RUSC2: variants seen among roughly 807,000 people sequenced by gnomAD.
RUSC2 encodes the protein AP-4 complex accessory subunit RUSC2.
A neutral mutation model predicts 122.2 loss-of-function variants in RUSC2; 34 were observed. The ratio of observed to expected loss-of-function variants is 0.28; its 90% confidence interval spans 0.21 to 0.37. The LOEUF is 0.37. Ranked by LOEUF, RUSC2 falls within the 10% of genes least tolerant of loss-of-function variation. The pLI, the probability that RUSC2 is intolerant of heterozygous loss-of-function variation, is 1.00. For missense variants in RUSC2, 1,747 were observed against 1,952.4 expected, an observed-to-expected ratio of 0.89 and a Z score of 1.98; for synonymous variants, 784 against 790.0, an observed-to-expected ratio of 0.99 and a Z score of 0.13.
chr9:35,491,271 A>C (rs1260887362), intron 1 of RUSC2, among the ~76,000 whole-genome samples: 1 of 152,154 alleles, frequency 6.6e-6, no homozygotes, highest in East Asian at 1.9e-4. Flanking sequence ...AGGAGTTGAT[A>C]AGGTAGAAAG....
At chr9:35,542,086 T>C (rs1189943322) in intron 1 of RUSC2, among the ~76,000 whole-genome samples, 2 of 152,086 alleles carry the variant, frequency 1.3e-5, no homozygotes, top group Non-Finnish European at 2.9e-5. Context: ...AAAGCATGAG[T>C]ACAAAATCTC....
chr9:35,543,126 A>G (rs575964884), intron 1 of RUSC2, among the ~76,000 whole-genome samples: 18 of 152,274 alleles, frequency 1.2e-4, no homozygotes, highest in African/African-American at 3.9e-4. Flanking sequence ...AACCCCCTCA[A>G]AGAAAAAAAA....
intron 1 of RUSC2, among the ~76,000 whole-genome samples, chr9:35,525,993 G>A (rs1587849118): frequency 6.6e-6 from 1 of 152,288 alleles, no homozygotes; most frequent in South Asian, 2.1e-4. Flanking sequence ...TTGGGTGGTG[G>A]CCATGCAGAG....
At position 35,546,843 on chromosome 9, in the gene RUSC2, G is replaced by T; in HGVS notation, c.322G>T (p.Gly108Cys). The change falls in exon 2 of 12, where the codon GGT (glycine) becomes TGT (cysteine). Residue 108 changes from glycine to cysteine, a missense_variant. Coordinates refer to ENST00000361226, the MANE Select transcript of RUSC2 (RefSeq NM_014806.5). This position sits in a 1 kb window ranked among gnomAD's most constrained non-coding sequence, Gnocchi z 4.3. ...KRHNPFLLQE[G>C]VGEPGLGDLY... ...ACACAACCCCTTCTTGCTGCAGGAG[G>T]GTGTGGGTGAGCCAGGACTTGGTGA... The T allele has an allele frequency of 6.2e-7, 1 of 1,610,740 alleles. No homozygotes were observed. The highest frequency in any genetic ancestry group is 1.1e-5 in the South Asian group (1 of 90,360).
At position 35,548,636 on chromosome 9, in the gene RUSC2, C is replaced by T; in HGVS notation, c.2014+101C>T. 1.4e-6 allele frequency: 2 copies of T among 1,443,486 alleles called. No homozygotes were observed. Among genetic ancestry groups the T allele is most frequent in the Non-Finnish European group, 1.8e-6 (2 of 1,102,770 alleles). 89.4% of individuals were successfully genotyped at this position (1,443,486 alleles called of 1,614,324 possible). On this transcript the variant is annotated intron_variant, in intron 2 of 11. Coordinates refer to ENST00000361226, the MANE Select transcript of RUSC2 (RefSeq NM_014806.5). This position sits in a 1 kb window ranked among gnomAD's most constrained non-coding sequence, Gnocchi z 4.5. ...CTGCCAGACCACCCCATCCATACCA[C>T]TAGAGGTTCCACATCCTAGATCTGT...
At position 35,547,062 on chromosome 9, in the gene RUSC2, G is replaced by A; in HGVS notation, c.541G>A (p.Asp181Asn). The A allele has an allele frequency of 1.2e-6, 2 of 1,613,170 alleles. No homozygotes were observed. The highest frequency in any genetic ancestry group is 1.7e-6 in the Non-Finnish European group (2 of 1,179,466). Residue 181 changes from aspartate to asparagine, a missense_variant, in exon 2 of 12, where the codon GAT becomes AAT. Coordinates refer to ENST00000361226, the MANE Select transcript of RUSC2 (RefSeq NM_014806.5). The surrounding 1 kb of genome is among the most constrained non-coding windows in gnomAD (Gnocchi z 4.6). ...GQEQEPVMTL[D>N]TQQCGTSHCC... ...GGAACAGGAGCCAGTGATGACCTTG[G>A]ATACTCAGCAGTGCGGCACCAGCCA... is the stretch of plus-strand genomic sequence containing the variant.
At chr9:35,515,158 A>T (rs1024329617) in intron 1 of RUSC2, among the ~76,000 whole-genome samples, 1 of 152,238 alleles carries the variant, frequency 6.6e-6, no homozygotes, top group Non-Finnish European at 1.5e-5. Context: ...TCACACAAAG[A>T]TACACATATA....
Position 35,548,049 on chromosome 9 carries a change from C to T in RUSC2, c.1528C>T (p.Arg510Cys), listed in dbSNP as rs771975181. The change falls in exon 2 of 12, where the codon CGC (arginine) becomes TGC (cysteine). Residue 510 changes from arginine (R) to cysteine (C), a missense_variant. Arg to Cys is a radical substitution (Grantham distance 180). Coordinates refer to ENST00000361226, the MANE Select transcript of RUSC2 (RefSeq NM_014806.5). The surrounding 1 kb of genome is among the most constrained non-coding windows in gnomAD (Gnocchi z 4.5). ...DRSLQRSPPV[R>C]LGSLERMLSC... ...CAGCCTGCAGCGCAGCCCTCCTGTC[C>T]GCCTGGGCTCGCTGGAACGTATGTT... 2.2e-5 allele frequency: 36 copies of T among 1,613,448 alleles called. No individual in the cohort carries two copies. Among genetic ancestry groups the T allele is most frequent in the Admixed American group, 1.0e-4 (6 of 60,010 alleles).
chr9:35,526,506 A>G (rs1166312043), intron 1 of RUSC2, among the ~76,000 whole-genome samples: 2 of 152,238 alleles, frequency 1.3e-5, no homozygotes, highest in Admixed American at 6.5e-5. Context: ...TGGTATTTTC[A>G]TCACCATTCT....
Position 35,555,692 on chromosome 9 carries a change from C to G in RUSC2, c.2647C>G (p.Pro883Ala), listed in dbSNP as rs374541449. ...TGGTGAGGGCAGCATGGCCACCAGG[C>G]CCAGTAATGGTACGAGCTCCAGCAT... is the stretch of plus-strand genomic sequence containing the variant. Reference protein sequence around the residue: ...GGGEGSMATRPSNANHLSPQA... With the variant: ...GGGEGSMATRASNANHLSPQA... Residue 883 changes from proline (P) to alanine (A), a missense_variant, in exon 3 of 12, where the codon CCC becomes GCC. Coordinates refer to ENST00000361226, the MANE Select transcript of RUSC2 (RefSeq NM_014806.5). This position sits in a 1 kb window ranked among gnomAD's most constrained non-coding sequence, Gnocchi z 4.6. The G allele has an allele frequency of 2.5e-6, 4 of 1,588,162 alleles. No individual in the cohort carries two copies. In the Admixed American group the frequency reaches 7.4e-5, roughly 29 times the overall value.
chr9:35,559,292 A>G lies in RUSC2; in HGVS notation c.3388+20A>G. On this transcript the variant is annotated intron_variant, in intron 9 of 11. Transcript: ENST00000361226. ...ACGAAGGTAATGCCTAGAACCCTGC[A>G]GGTCAAACTCAATGGGTCAGAATTC... The G allele has an allele frequency of 6.2e-7, 1 of 1,601,278 alleles. No individual in the cohort carries two copies. Among genetic ancestry groups the G allele is most frequent in the Non-Finnish European group, 8.6e-7 (1 of 1,168,268 alleles).
At chr9:35,560,877 G>A (rs1445017294) in intron 10 of RUSC2, 26 bp downstream of exon 10, 4 of 1,562,660 alleles carry the variant, frequency 2.6e-6, no homozygotes, top group Middle Eastern at 1.7e-4. Context: ...TGGTAGGGAT[G>A]GAGGGAGTAG....
chr9:35,536,338 G>C (rs909998455), intron 1 of RUSC2, among the ~76,000 whole-genome samples: 1 of 152,210 alleles, frequency 6.6e-6, no homozygotes, highest in African/African-American at 2.4e-5. Context: ...CTGGCTCTGG[G>C]GTAATCAGAG....
intron 1 of RUSC2, among the ~76,000 whole-genome samples, chr9:35,491,307 A>G (rs1820564271): frequency 6.6e-6 from 1 of 152,148 alleles, no homozygotes; most frequent in Non-Finnish European, 1.5e-5. Flanking sequence ...TAGTGGCATT[A>G]TTGTAACTGG....
chr9:35,533,565 AT>A (rs767811284), intron 1 of RUSC2, among the ~76,000 whole-genome samples: 7 of 152,248 alleles, frequency 4.6e-5, no homozygotes, highest in Non-Finnish European at 1.0e-4. Context: ...CTGTAGTCTA[AT>A]TTTGGAACAT....
intron 1 of RUSC2, among the ~76,000 whole-genome samples, chr9:35,530,980 C>A (rs1329746783): frequency 1.3e-5 from 2 of 151,974 alleles, no homozygotes; most frequent in African/African-American, 4.8e-5. Context: ...GAATTTGGGG[C>A]TGGGAGCAGT....
intron 1 of RUSC2, among the ~76,000 whole-genome samples, chr9:35,513,898 A>G (rs1821054525): frequency 1.5e-5 from 1 of 66,616 alleles, no homozygotes; most frequent in Non-Finnish European, 3.1e-5. Context: ...TAGTGCTTCA[A>G]CAAACATATA....
rs1011853561 is a variant in RUSC2, at chr9:35,546,408, C to T, written c.-92-22C>T. The stretch of plus-strand genomic sequence containing the variant: ...TTCCAGGGAGGTGACATTAGGTTCC[C>T]TTTCTTTCCCTCTCTCTCCAGGTGC... On this transcript the variant is annotated intron_variant, in intron 1 of 11. Transcript: ENST00000361226. The surrounding 1 kb of genome is among the most constrained non-coding windows in gnomAD (Gnocchi z 4.3). 1.3e-6 allele frequency: 1 copy of T among 785,560 alleles called. No homozygotes were observed. The highest frequency in any genetic ancestry group is 1.8e-6 in the Non-Finnish European group (1 of 558,960). 48.7% of individuals were successfully genotyped at this position (785,560 alleles called of 1,614,324 possible). A position where few individuals can be genotyped will look rare whatever the true frequency, so the allele number is the denominator to read the frequency against.
chr9:35,556,121 G>C lies in RUSC2; in HGVS notation c.2826G>C (p.Leu942=). 1 of 1,614,136 alleles carries C rather than the reference G, an allele frequency of 6.2e-7. No homozygotes were observed. The highest frequency in any genetic ancestry group is 2.2e-5 in the East Asian group (1 of 44,862). Residue 942 remains leucine (L), a synonymous_variant, in exon 4 of 12, where the codon CTG becomes CTC. Coordinates refer to ENST00000361226, the MANE Select transcript of RUSC2 (RefSeq NM_014806.5). ...FPGSLSAASH[L]NCRLNGQAVK... ...GCTCCCTCAGTGCTGCCAGCCATCT[G>C]AACTGCCGGCTGAATGGTGTGTGAG...
Sources: gnomAD v4.1 joint callset for allele counts (sites outside exome capture counted in the v4.1 genomes callset) on GRCh38, gnomAD v4.1.1 for gene constraint, Gnocchi (gnomAD v3.1) non-coding constraint, MANE v1.5 for transcripts, NCBI Gene and HGNC (gene_info 2026-07-23, HGNC 2026-07-21) for gene names.